The following KHDC1 variants were observed in gnomAD, a reference collection of about 807,000 sequenced individuals.
The protein encoded by KHDC1 is KH homology domain-containing protein 1.
In KHDC1, 21 loss-of-function variants were observed where a neutral mutation model predicts 24.7. That is an observed-to-expected ratio of 0.85 (90% CI 0.60 to 1.23). The LOEUF (loss-of-function observed/expected upper bound fraction) is 1.23. Among genes scored for constraint, KHDC1 ranks in the 50% most tolerant of loss-of-function variants. The probability of loss-of-function intolerance (pLI) is 0.00; values close to 1 mark genes in which losing one functional copy is unlikely to be tolerated. For synonymous variants in KHDC1, 98 were observed against 111.7 expected, an observed-to-expected ratio of 0.88 and a Z score of 0.77; for missense variants, 274 against 298.5, an observed-to-expected ratio of 0.92 and a Z score of 0.61.
chr6:73,306,158 G>T (rs1767958063), intron 1 of KHDC1, among the ~76,000 whole-genome samples: 1 of 151,952 alleles, frequency 6.6e-6, no homozygotes, highest in African/African-American at 2.4e-5. Context: ...ATAGCTCCCT[G>T]AATCCTCACC....
chr6:73,268,768 C>G lies in KHDC1; in HGVS notation c.206+23230G>C, dbSNP rs563421167. 6 of 152,580 alleles carry G rather than the reference C, an allele frequency of 3.9e-5. No homozygotes were observed. The South Asian group carries it at 1.2e-3, about 32-fold the overall frequency. 9.5% of individuals were successfully genotyped at this position (152,580 alleles called of 1,614,324 possible). On this transcript the variant is annotated intron_variant, in intron 2 of 4. Transcript: ENST00000370384. Reference sequence around the variant, plus strand: ...ACAATCCCTGAGCTAGATATAAAGACTCTCCACGTCCCCACTAGACTCAGG... The same window carrying G: ...ACAATCCCTGAGCTAGATATAAAGAGTCTCCACGTCCCCACTAGACTCAGG...
intron 2 of KHDC1, among the ~76,000 whole-genome samples, chr6:73,259,279 G>GTTTTTTTT (rs1214004322): frequency 9.3e-6 from 1 of 107,498 alleles, no homozygotes; most frequent in African/African-American, 4.4e-5. Context: ...AATCCAATAT[G>GTTTTTTTT]CTTTTTTTTT....
intron 1 of KHDC1, chr6:73,299,574 A>ACGCCCTGCACACTGGCCCTGTGTGGC (rs1362127552): frequency 1.3e-5 from 2 of 150,576 alleles, no homozygotes; most frequent in African/African-American, 2.4e-5. Context: ...TCCCTCCCTC[A>ACGCCCTGCACACTGGCCCTGTGTGGC]CGCCCTGCAC....
intron 2 of KHDC1, among the ~76,000 whole-genome samples, chr6:73,277,690 A>G (rs1030406014): frequency 7.4e-5 from 11 of 149,346 alleles, no homozygotes; most frequent in Non-Finnish European, 1.6e-4. Context: ...GTCTCTATAA[A>G]AAAAACTTAA....
intron 1 of KHDC1, chr6:73,292,448 A>G: frequency 2.6e-6 from 2 of 774,068 alleles, no homozygotes; most frequent in South Asian, 1.3e-5. Context: ...AGCAACAGAC[A>G]GAAATGCTGT....
At chr6:73,272,244 A>G (rs981968617) in intron 2 of KHDC1, among the ~76,000 whole-genome samples, 3 of 151,280 alleles carry the variant, frequency 2.0e-5, no homozygotes, top group East Asian at 2.0e-4. Flanking sequence ...GCTCACTGCA[A>G]TCTCTGCCTC....
chr6:73,307,251 A>C (rs1767981865), intron 1 of KHDC1, among the ~76,000 whole-genome samples: 1 of 151,928 alleles, frequency 6.6e-6, no homozygotes, highest in Admixed American at 6.6e-5. Context: ...AAGATGGTGA[A>C]ACCCCGTCTC....
At chr6:73,307,703 C>G (rs1000569282) in intron 1 of KHDC1, among the ~76,000 whole-genome samples, 5 of 152,136 alleles carry the variant, frequency 3.3e-5, no homozygotes, top group African/African-American at 1.2e-4. Context: ...AAGAACCGTG[C>G]AACCGCCTGG....
At chr6:73,263,050 GC>G (rs1444726719) in intron 2 of KHDC1, 1 of 800,184 alleles carries the variant, frequency 1.2e-6, no homozygotes, top group Non-Finnish European at 1.5e-6. Flanking sequence ...GGCGGCGGCG[GC>G]GGCGGCGGCG....
At chr6:73,264,351 C>A (rs1306746644) in intron 2 of KHDC1, among the ~76,000 whole-genome samples, 1 of 152,170 alleles carries the variant, frequency 6.6e-6, no homozygotes, top group East Asian at 1.9e-4. Context: ...AAAGTTCTAA[C>A]TTTGAGGACT....
intron 2 of KHDC1, among the ~76,000 whole-genome samples, chr6:73,244,527 G>C (rs184491183): frequency 6.6e-6 from 1 of 152,170 alleles, no homozygotes; most frequent in East Asian, 1.9e-4. Context: ...AAGAAAATCT[G>C]CCTTTTGAAG....
In KHDC1 at chr6:73,307,219, G is replaced by C. The variant is rs1050187953; in HGVS notation, c.163+2333C>G. On this transcript the variant is annotated intron_variant, in intron 1 of 4. Coordinates refer to ENST00000370384, the Ensembl canonical transcript of KHDC1. ...CTGAGGCGGGTGGATCACGAGGTTA[G>C]GAGTTCAAGACCAGCCTGGACAAGA... Among the ~76,000 whole-genome samples, 5 of 151,584 alleles carry C rather than the reference G, an allele frequency of 3.3e-5. No homozygotes were observed. The East Asian group carries it at 7.9e-4, about 24-fold the overall frequency.
chr6:73,293,137 C>T (rs1767687364), intron 1 of KHDC1: 1 of 790,160 alleles, frequency 1.3e-6, no homozygotes, highest in African/African-American at 1.7e-5. Context: ...TGTACTCTCA[C>T]CCTATCAGCA....
chr6:73,303,282 T>C (rs1175423481), intron 1 of KHDC1, among the ~76,000 whole-genome samples: 1 of 151,834 alleles, frequency 6.6e-6, no homozygotes, highest in Non-Finnish European at 1.5e-5. Flanking sequence ...CAGGAGCCAT[T>C]GGTGAAGAAA....
chr6:73,256,805 A>G (rs983937817), intron 2 of KHDC1, among the ~76,000 whole-genome samples: 1 of 152,242 alleles, frequency 6.6e-6, no homozygotes, highest in Non-Finnish European at 1.5e-5. Flanking sequence ...TAACTAGTAA[A>G]TGGAGTTTGA....
chr6:73,273,651 C>G (rs1767221356), intron 2 of KHDC1, among the ~76,000 whole-genome samples: 1 of 151,120 alleles, frequency 6.6e-6, no homozygotes, highest in Non-Finnish European at 1.5e-5. Context: ...CCCGTCTCTA[C>G]TAAAAATACA....
chr6:73,302,831 C>T (rs865897398), intron 1 of KHDC1, among the ~76,000 whole-genome samples: 5 of 152,170 alleles, frequency 3.3e-5, no homozygotes, highest in African/African-American at 2.4e-5. Flanking sequence ...AATCCCAGCA[C>T]TTTGGGAGGC....
At chr6:73,307,868 G>A in intron 1 of KHDC1, among the ~76,000 whole-genome samples, 1 of 152,112 alleles carries the variant, frequency 6.6e-6, no homozygotes, top group East Asian at 1.9e-4. Flanking sequence ...TTCTGATTCT[G>A]TGGATGTGGG....
intron 1 of KHDC1, chr6:73,309,499 C>A: frequency 6.8e-7 from 1 of 1,465,008 alleles, no homozygotes; most frequent in South Asian, 1.4e-5. Flanking sequence ...CTCGCCTTTC[C>A]GGGCACCTGG....
Sources: gnomAD v4.1 joint callset for allele counts (sites outside exome capture counted in the v4.1 genomes callset) on GRCh38, gnomAD v4.1.1 for gene constraint, MANE v1.5 for transcripts, NCBI Gene and HGNC (gene_info 2026-07-23, HGNC 2026-07-21) for gene names.